DCC: variants seen among roughly 807,000 people sequenced by gnomAD.
DCC encodes DCC netrin 1 receptor.
A neutral mutation model predicts 172.5 loss-of-function variants in DCC; 58 were observed. That is an observed-to-expected ratio of 0.34 (90% CI 0.27 to 0.42). The LOEUF (loss-of-function observed/expected upper bound fraction) is 0.42, where lower values mean the gene tolerates loss of function less well. Ranked by LOEUF, DCC falls within the 10% of genes least tolerant of loss-of-function variation. DCC has a pLI of 1.00. For missense variants in DCC, 1,740 were observed against 1,791.0 expected (o/e 0.97, Z 0.51); for synonymous variants, 709 against 644.5 (o/e 1.10, Z -1.52).
intron 8 of DCC, among the ~76,000 whole-genome samples, chr18:53,165,178 G>A (rs1449380281): frequency 2.0e-5 from 3 of 152,194 alleles, no homozygotes; most frequent in Middle Eastern, 6.8e-3. Context: ...AGCAGAGAAG[G>A]CTCCAAGATA....
chr18:53,171,014 A>T (rs550781328), intron 8 of DCC, among the ~76,000 whole-genome samples: 1 of 152,244 alleles, frequency 6.6e-6, no homozygotes, highest in South Asian at 2.1e-4. Context: ...CCACTAGAGT[A>T]GCTAGAATTA....
Position 53,410,625 on chromosome 18 carries a change from A to G in DCC, c.3109A>G (p.Ile1037Val), listed in dbSNP as rs199713790. 4.4e-6 allele frequency: 7 copies of G among 1,597,692 alleles called. No homozygotes were observed. The Admixed American group carries it at 8.3e-5, about 19-fold the overall frequency. ...SKGVGPLSDP[I>V]LFRTLKVEHP... ...AGGAGTGGGGCCACTCTCTGATCCT[A>G]TCCTCTTCAGGACTCTGAAAGGTTT... Residue 1037 changes from isoleucine to valine, a missense_variant, in exon 20 of 29, where the codon ATC becomes GTC. Physicochemically the swap from Ile to Val is conservative, Grantham distance 29. Coordinates refer to ENST00000442544, the MANE Select transcript of DCC (RefSeq NM_005215.4).
chr18:53,032,145 C>G (rs2042033836), intron 5 of DCC, among the ~76,000 whole-genome samples: 2 of 151,952 alleles, frequency 1.3e-5, no homozygotes, highest in Admixed American at 6.6e-5. Context: ...CTTTTTGAAT[C>G]AGTTTATTTT....
chr18:53,137,149 C>T (rs1002368540), intron 7 of DCC, among the ~76,000 whole-genome samples: 62 of 152,208 alleles, frequency 4.1e-4, no homozygotes, highest in African/African-American at 1.5e-3. Context: ...CTTAACATAA[C>T]ACACATTTAT....
chr18:52,772,126 TTAAC>T lies in DCC; in HGVS notation c.412+19755_412+19758del, dbSNP rs1426682594. Among the ~76,000 whole-genome samples the T allele has an allele frequency of 7.2e-5, 11 of 152,348 alleles. No individual in the cohort carries two copies. The East Asian group carries it at 1.9e-3, about 27-fold the overall frequency. On this transcript the variant is annotated intron_variant, in intron 2 of 28. Transcript: ENST00000442544. Reference sequence around the variant, plus strand: ...AATCATTTTTGATTCTTGGAAGCTATTAACTATCAGATTCTCTTTATTAGAAGTT... The same window carrying T: ...AATCATTTTTGATTCTTGGAAGCTATTATCAGATTCTCTTTATTAGAAGTT...
chr18:53,383,057 A>G (rs1418281830), intron 15 of DCC, among the ~76,000 whole-genome samples: 1 of 152,118 alleles, frequency 6.6e-6, no homozygotes, highest in Non-Finnish European at 1.5e-5. Context: ...GAAGTTCACC[A>G]TGTTTCCTTG....
chr18:53,045,741 C>T (rs2042229489), intron 5 of DCC, among the ~76,000 whole-genome samples: 1 of 151,834 alleles, frequency 6.6e-6, no homozygotes. Context: ...TGTCATTTCC[C>T]ATTAATACAT....
intron 3 of DCC, among the ~76,000 whole-genome samples, chr18:52,912,971 G>A (rs761171329): frequency 2.0e-5 from 3 of 151,998 alleles, no homozygotes; most frequent in Non-Finnish European, 4.4e-5. Context: ...TCTATTTTTA[G>A]ATTAATAAAA....
intron 1 of DCC, among the ~76,000 whole-genome samples, chr18:52,595,654 G>T (rs990726619): frequency 2.0e-5 from 3 of 152,054 alleles, no homozygotes; most frequent in Admixed American, 1.3e-4. Context: ...AGTCCATTCC[G>T]CTATCATCGC....
chr18:52,847,856 A>G (rs1179584866), intron 2 of DCC, among the ~76,000 whole-genome samples: 4 of 152,190 alleles, frequency 2.6e-5, no homozygotes, highest in Non-Finnish European at 5.9e-5. Context: ...AACTTTGAGT[A>G]GGTCACTTAC....
chr18:53,096,629 G>A (rs888142936), intron 7 of DCC, among the ~76,000 whole-genome samples: 3 of 152,010 alleles, frequency 2.0e-5, no homozygotes, highest in Admixed American at 1.3e-4. Context: ...ATATAATGGA[G>A]GGGCTATGCT....
intron 5 of DCC, among the ~76,000 whole-genome samples, chr18:53,047,903 ATGTGTGTGTGTG>A (rs35014270): frequency 2.0e-5 from 3 of 146,780 alleles, no homozygotes; most frequent in South Asian, 2.2e-4. Context: ...TTCCTTCGAG[ATGTGTGTGTGTG>A]TGTGTGTGTG....
At chr18:52,873,305 G>A (rs117442428) in intron 2 of DCC, among the ~76,000 whole-genome samples, 5 of 152,048 alleles carry the variant, frequency 3.3e-5, no homozygotes, top group South Asian at 2.1e-4. Flanking sequence ...TCTTTCATCC[G>A]GCAAAGAGCT....
intron 27 of DCC, among the ~76,000 whole-genome samples, chr18:53,509,545 G>A (rs1429917149): frequency 6.6e-6 from 1 of 152,162 alleles, no homozygotes. Flanking sequence ...ATTAGATTAT[G>A]AGGTAGTTTG....
rs11291428 is a variant in DCC, at chr18:52,848,082, A to ATT, written c.413-57942_413-57941dup. Among the ~76,000 whole-genome samples, 881 of 127,312 alleles carry ATT rather than the reference A, an allele frequency of 6.9e-3. 16 individuals carry two copies. The highest frequency in any genetic ancestry group is 0.01 in the African/African-American group (345 of 33,370). 83.5% of individuals were successfully genotyped at this position (127,312 alleles called of 152,430 possible). On this transcript the variant is annotated intron_variant, in intron 2 of 28. Transcript: ENST00000442544. ...AAGGTTCATTGATTTGACTTTTCTA[A>ATT]TTTTTTTTTTTTTTTTTTTTTGAGA...
At chr18:52,348,902 TTG>T (rs1274024209) in intron 1 of DCC, among the ~76,000 whole-genome samples, 1 of 152,180 alleles carries the variant, frequency 6.6e-6, no homozygotes, top group Non-Finnish European at 1.5e-5. Flanking sequence ...ATCCTGTTTA[TTG>T]TGTCTTTATA....
At chr18:52,933,754 G>T (rs1343777279) in intron 5 of DCC, among the ~76,000 whole-genome samples, 1 of 152,034 alleles carries the variant, frequency 6.6e-6, no homozygotes, top group South Asian at 2.1e-4. Context: ...AGCTTTAGGA[G>T]CTACAAGTGC....
At chr18:53,263,630 A>G (rs2056632301) in intron 12 of DCC, among the ~76,000 whole-genome samples, 1 of 152,136 alleles carries the variant, frequency 6.6e-6, no homozygotes, top group Non-Finnish European at 1.5e-5. Context: ...GAAAACACAC[A>G]ATGTTTTCTC....
At chr18:53,117,236 T>C (rs1313163007) in intron 7 of DCC, among the ~76,000 whole-genome samples, 1 of 151,756 alleles carries the variant, frequency 6.6e-6, no homozygotes, top group African/African-American at 2.4e-5. Flanking sequence ...ATATTACCTT[T>C]ATAATACTGC....
Sources: allele counts gnomAD v4.1 joint callset (sites outside exome capture counted in the v4.1 genomes callset), GRCh38; gene constraint gnomAD v4.1.1; transcripts MANE v1.5; gene names NCBI Gene and HGNC (gene_info 2026-07-23, HGNC 2026-07-21).